The following BIRC6 variants were observed in gnomAD, a reference collection of about 807,000 sequenced individuals.
BIRC6 encodes baculoviral IAP repeat containing 6.
Under a neutral mutation model 503.3 loss-of-function variants are expected in BIRC6, and 98 were observed. The ratio of observed to expected loss-of-function variants is 0.19; its 90% CI spans 0.17 to 0.23. BIRC6 has a LOEUF of 0.23. BIRC6 is among the 10% of genes least tolerant of loss of function. BIRC6 has a pLI of 1.00. For synonymous variants in BIRC6, 2,240 were observed against 2,078.7 expected, an observed-to-expected ratio of 1.08 and a Z score of -2.11; for missense variants, 5,360 against 5,806.0, an observed-to-expected ratio of 0.92 and a Z score of 2.50.
intron 70 of BIRC6, among the ~76,000 whole-genome samples, chr2:32,601,699 A>G (rs2062071992): frequency 6.6e-6 from 1 of 152,268 alleles, no homozygotes; most frequent in Non-Finnish European, 1.5e-5. Flanking sequence ...ATATGCCAGA[A>G]GAACACATGT....
intron 41 of BIRC6, among the ~76,000 whole-genome samples, chr2:32,488,353 T>C (rs1331089728): frequency 1.3e-5 from 2 of 152,184 alleles, no homozygotes; most frequent in Non-Finnish European, 2.9e-5. Flanking sequence ...AGAATCTTTT[T>C]ATGAGGTAAT....
intron 44 of BIRC6, among the ~76,000 whole-genome samples, chr2:32,493,226 CTA>C (rs888874170): frequency 9.2e-5 from 14 of 151,704 alleles, no homozygotes; most frequent in African/African-American, 3.4e-4. Context: ...TATTTATACT[CTA>C]AAAAGCATTA....
At chr2:32,394,968 G>A (rs1016688399) in intron 5 of BIRC6, among the ~76,000 whole-genome samples, 2 of 152,136 alleles carry the variant, frequency 1.3e-5, no homozygotes, top group East Asian at 3.8e-4. Flanking sequence ...GGCTAACACG[G>A]TGAAACCCCA....
intron 66 of BIRC6, among the ~76,000 whole-genome samples, chr2:32,590,428 G>T (rs953804638): frequency 2.0e-5 from 3 of 152,160 alleles, no homozygotes; most frequent in Non-Finnish European, 4.4e-5. Flanking sequence ...TTAGATTTAG[G>T]AGTGCAAAGG....
intron 32 of BIRC6, among the ~76,000 whole-genome samples, chr2:32,472,664 A>G (rs890153931): frequency 3.3e-5 from 5 of 152,220 alleles, no homozygotes; most frequent in African/African-American, 9.6e-5. Context: ...GAGTAAGTAT[A>G]GTTAGACAGT....
In BIRC6 at chr2:32,396,026, G is replaced by C. The variant is rs560992995; in HGVS notation, c.1034+433G>C. 2.0e-5 allele frequency among the ~76,000 whole-genome samples: 3 copies of C among 152,122 alleles called. No homozygotes were observed. The South Asian group carries it at 6.2e-4, about 32-fold the overall frequency. On this transcript the variant is annotated intron_variant, in intron 6 of 73. Transcript: ENST00000421745. ...TTAGTGCATGAAATTTTAGAACCTG[G>C]TTAAACATTAGAGATCATGTATTGA...
rs550079594 is a variant in BIRC6 at position 32,532,960 on chromosome 2, T to A, written c.12291+1409T>A. Among the ~76,000 whole-genome samples the A allele has an allele frequency of 3.3e-5, 5 of 152,232 alleles. No homozygotes were observed. The South Asian group carries it at 8.3e-4, about 25-fold the overall frequency. ...ATTGGGTACTTGGCAGAGTATGGAA[T>A]AATTTTGAGTAGCATGATTTAAAAA... On this transcript the variant is annotated intron_variant, in intron 61 of 73. Transcript: ENST00000421745.
rs1482595779 is a variant in BIRC6 at position 32,445,527 on chromosome 2, T to C, written c.4343T>C (p.Val1448Ala). Residue 1448 changes from valine to alanine, a missense_variant, in exon 21 of 74, where the codon GTC (valine) becomes GCC (alanine). This residue lies in a region of BIRC6 where 2,299 missense variants were observed against 2,267.2 expected (regional missense o/e 1.01). Coordinates refer to ENST00000421745, the MANE Select transcript of BIRC6 (RefSeq NM_016252.4). Reference protein sequence around the residue: ...FLPAATTGGSVYWYFVLLNYV... With the variant: ...FLPAATTGGSAYWYFVLLNYV... The stretch of plus-strand genomic sequence containing the variant: ...TTGTTTTTATTGTTTCCAGGTTCTG[T>C]CTATTGGTATTTTGTCTTACTGAAT... 1 of 1,571,598 alleles carries C rather than the reference T, an allele frequency of 6.4e-7. No homozygotes were observed. The highest frequency in any genetic ancestry group is 8.6e-7 in the Non-Finnish European group (1 of 1,159,448).
At chr2:32,604,445 T>C (rs1333243526) in intron 71 of BIRC6, among the ~76,000 whole-genome samples, 1 of 152,236 alleles carries the variant, frequency 6.6e-6, no homozygotes, top group African/African-American at 2.4e-5. Context: ...ATATGTATTA[T>C]AGCTATTAAA....
At chr2:32,438,845 C>T (rs2148227584) in intron 15 of BIRC6, among the ~76,000 whole-genome samples, 1 of 152,304 alleles carries the variant, frequency 6.6e-6, no homozygotes, top group Non-Finnish European at 1.5e-5. Context: ...CAGGCGTGAG[C>T]CACTGCGCCC....
chr2:32,569,811 A>G (rs924013546), intron 65 of BIRC6, among the ~76,000 whole-genome samples: 2 of 152,086 alleles, frequency 1.3e-5, no homozygotes, highest in African/African-American at 4.8e-5. Context: ...GAATTCATGT[A>G]TCAAATCCAA....
At chr2:32,559,885 G>C (rs980401579) in intron 65 of BIRC6, among the ~76,000 whole-genome samples, 1 of 151,866 alleles carries the variant, frequency 6.6e-6, no homozygotes, top group African/African-American at 2.4e-5. Flanking sequence ...GTGTAGTGGC[G>C]GGTGCCTGTT....
Position 32,388,820 on chromosome 2 carries a change from T to A in BIRC6, c.716T>A (p.Leu239His). The A allele has an allele frequency of 6.2e-7, 1 of 1,613,306 alleles. No individual in the cohort carries two copies. The highest frequency in any genetic ancestry group is 8.5e-7 in the Non-Finnish European group (1 of 1,179,584). ...KSIASAIVNELKKINQNVAAL... is the reference protein window; with the variant it reads ...KSIASAIVNEHKKINQNVAAL... ...ATTGCCAGTGCCATTGTAAATGAAC[T>A]CAAGAAAATAAATCAAAATGTTGCT... The change falls in exon 4 of 74, where the codon CTC becomes CAC. Residue 239 changes from leucine (L) to histidine (H), a missense_variant. Leu to His is a moderately conservative substitution (Grantham distance 99). This residue lies in a region of BIRC6 where 134 missense variants were observed against 150.9 expected (regional missense o/e 0.89). Coordinates refer to ENST00000421745, the MANE Select transcript of BIRC6 (RefSeq NM_016252.4).
chr2:32,412,849 TTC>T (rs560961151), intron 9 of BIRC6, among the ~76,000 whole-genome samples: 95 of 152,320 alleles, frequency 6.2e-4, no homozygotes, highest in African/African-American at 2.2e-3. Context: ...ATAAGTAGTA[TTC>T]TCTCTTTGGT....
intron 65 of BIRC6, among the ~76,000 whole-genome samples, chr2:32,551,556 A>G (rs2058427264): frequency 6.6e-6 from 1 of 152,360 alleles, no homozygotes; most frequent in Middle Eastern, 3.4e-3. Context: ...TGCTGGAATT[A>G]GAGACCTGAG....
chr2:32,575,670 C>T, intron 66 of BIRC6, among the ~76,000 whole-genome samples: 1 of 151,712 alleles, frequency 6.6e-6, no homozygotes, highest in East Asian at 1.9e-4. Flanking sequence ...GAGGCTGAGG[C>T]AGGAGAATGG....
intron 1 of BIRC6, among the ~76,000 whole-genome samples, chr2:32,364,753 C>T (rs1385390177): frequency 1.4e-5 from 2 of 146,890 alleles, no homozygotes; most frequent in East Asian, 2.0e-4. Flanking sequence ...AGGTTTAGAT[C>T]GGGTGTTTTT....
chr2:32,373,179 T>C (rs901248364), intron 1 of BIRC6, among the ~76,000 whole-genome samples: 2 of 152,202 alleles, frequency 1.3e-5, no homozygotes, highest in East Asian at 3.8e-4. Context: ...TGCAGACTCA[T>C]TGCAATTCCT....
At chr2:32,437,645 C>T (rs914226529) in intron 15 of BIRC6, among the ~76,000 whole-genome samples, 1 of 152,116 alleles carries the variant, frequency 6.6e-6, no homozygotes, top group African/African-American at 2.4e-5. Flanking sequence ...TTAACTAGTT[C>T]AGTATTCCTA....
Sources: allele counts gnomAD v4.1 joint callset (sites outside exome capture counted in the v4.1 genomes callset), GRCh38; gene constraint gnomAD v4.1.1; regional missense constraint gnomAD v4.1.1; transcripts MANE v1.5; gene names NCBI Gene and HGNC (gene_info 2026-07-23, HGNC 2026-07-21).